The following ELP2 variants were observed in gnomAD, a reference collection of about 807,000 sequenced individuals.
The protein encoded by ELP2 is elongator acetyltransferase complex subunit 2, also known as elongator complex protein 2.
Under a neutral mutation model 119.2 loss-of-function variants are expected in ELP2, and 90 were observed. The ratio of observed to expected loss-of-function variants is 0.75; its 90% confidence interval spans 0.64 to 0.90. The LOEUF (loss-of-function observed/expected upper bound fraction) is 0.90. ELP2 is among the 40% of genes least tolerant of loss of function. ELP2 has a pLI of 0.00. For synonymous variants in ELP2, 339 were observed against 331.0 expected, an observed-to-expected ratio of 1.02 and a Z score of -0.26; for missense variants, 921 against 967.8, an observed-to-expected ratio of 0.95 and a Z score of 0.64.
intron 11 of ELP2, among the ~76,000 whole-genome samples, chr18:36,147,658 G>T (rs2090251521): frequency 6.9e-6 from 1 of 145,144 alleles, no homozygotes; most frequent in Non-Finnish European, 1.5e-5. Flanking sequence ...AGGTGATTCT[G>T]CCCCTCCCCC....
intron 1 of ELP2, among the ~76,000 whole-genome samples, chr18:36,131,458 A>AC (rs2089623929): frequency 1.3e-5 from 2 of 152,226 alleles, no homozygotes; most frequent in African/African-American, 4.8e-5. Flanking sequence ...GCATTGCGGC[A>AC]CCGTTCCGCC....
chr18:36,139,537 G>A, intron 5 of ELP2: 1 of 1,535,710 alleles, frequency 6.5e-7, no homozygotes, highest in Non-Finnish European at 8.7e-7. Flanking sequence ...TTCTGTGCAA[G>A]GCTCTGTGGA....
At chr18:36,132,910 G>C (rs187932072) in intron 1 of ELP2, among the ~76,000 whole-genome samples, 1 of 152,154 alleles carries the variant, frequency 6.6e-6, no homozygotes, top group African/African-American at 2.4e-5. Flanking sequence ...GTCTAGTTTG[G>C]TGTGTCAGGA....
chr18:36,170,952 C>T (rs754125576), intron 20 of ELP2, 95 bp from the exon 21 acceptor site: 23 of 862,668 alleles, frequency 2.7e-5, no homozygotes, highest in Middle Eastern at 2.1e-4. Context: ...AAGGCAGGGA[C>T]AGTTGGGACA....
At chr18:36,158,313 T>C (rs898149742) in intron 13 of ELP2, among the ~76,000 whole-genome samples, 16 of 152,346 alleles carry the variant, frequency 1.1e-4, no homozygotes, top group Admixed American at 5.9e-4. Flanking sequence ...AAGCAGATAT[T>C]GCCTTTTCAA....
chr18:36,131,098 C>T (rs75543600), intron 1 of ELP2, among the ~76,000 whole-genome samples: 10,440 of 152,218 alleles, frequency 0.069, 440 homozygotes, highest in Non-Finnish European at 0.094. Context: ...CGCTTGAGCT[C>T]AGAAGTTTGA....
chr18:36,159,872 A>T, intron 15 of ELP2, 42 bp downstream of exon 15: 1 of 1,605,108 alleles, frequency 6.2e-7, no homozygotes, highest in Non-Finnish European at 8.5e-7. Context: ...GCTAGAACAC[A>T]CAGTATGTTA....
chr18:36,148,040 G>A (rs1158961268), intron 11 of ELP2, among the ~76,000 whole-genome samples: 2 of 151,334 alleles, frequency 1.3e-5, no homozygotes, highest in Non-Finnish European at 2.9e-5. Context: ...TTTTATGGCA[G>A]CTTCATGACG....
intron 11 of ELP2, among the ~76,000 whole-genome samples, chr18:36,152,253 C>A (rs2090428858): frequency 6.6e-6 from 1 of 151,072 alleles, no homozygotes; most frequent in Admixed American, 6.6e-5. Context: ...CCATTTTATT[C>A]TTTGTTTCTT....
At position 36,174,727 on chromosome 18, in the gene ELP2, T is replaced by C; in HGVS notation, c.*86T>C. 7.1e-7 allele frequency: 1 copy of C among 1,401,434 alleles called. No homozygotes were observed. Among genetic ancestry groups the C allele is most frequent in the Non-Finnish European group, 9.8e-7 (1 of 1,016,748 alleles). The allele number at this position is 1,401,434 out of a possible 1,614,324, so 86.8% of individuals were successfully genotyped here. A position where few individuals can be genotyped will look rare whatever the true frequency, so the allele number is the denominator to read the frequency against. The stretch of plus-strand genomic sequence containing the variant: ...GTCATCTTTACCTTCATAACTGAAT[T>C]GAGTTTCTGGGTTTTTTTTTTTTTT... On this transcript the variant is annotated 3_prime_UTR_variant, in exon 22 of 22. Coordinates refer to ENST00000358232, the MANE Select transcript of ELP2 (RefSeq NM_018255.4).
At chr18:36,167,419 T>C (rs1221577578) in intron 19 of ELP2, among the ~76,000 whole-genome samples, 197 bp downstream of exon 19, 2 of 152,140 alleles carry the variant, frequency 1.3e-5, no homozygotes, top group East Asian at 3.8e-4. Flanking sequence ...TTCTCTGAAA[T>C]GTCAAAAATA....
chr18:36,162,422 G>A (rs943005184), intron 17 of ELP2, among the ~76,000 whole-genome samples: 1 of 152,106 alleles, frequency 6.6e-6, no homozygotes. Flanking sequence ...ATGCTGAGTA[G>A]TTTTACTTTG....
intron 16 of ELP2, among the ~76,000 whole-genome samples, chr18:36,160,262 AAT>A (rs1298276800): frequency 6.6e-6 from 1 of 151,996 alleles, no homozygotes; most frequent in Admixed American, 6.6e-5. Context: ...GAAGCATAAC[AAT>A]ATATATTTTT....
At chr18:36,164,189 T>A (rs1320748360) in intron 17 of ELP2, among the ~76,000 whole-genome samples, 3 of 152,004 alleles carry the variant, frequency 2.0e-5, no homozygotes, top group African/African-American at 7.3e-5. Flanking sequence ...ACAGTTTTGA[T>A]CATGGAATAA....
In ELP2 at chr18:36,154,860, C is replaced by T. The variant is rs1465344041; in HGVS notation, c.1136C>T (p.Thr379Ile). The change falls in exon 12 of 22, where the codon ACT becomes ATT. Residue 379 changes from threonine (T) to isoleucine (I), a missense_variant. Physicochemically the swap from Thr to Ile is moderately conservative, Grantham distance 89. Transcript: ENST00000358232. Reference sequence around the variant, plus strand: ...GCACTTCCATTGCAGAGAGAGTGGACTCCAGAGATTGTCATTTCAGGACAC... The same window carrying T: ...GCACTTCCATTGCAGAGAGAGTGGATTCCAGAGATTGTCATTTCAGGACAC... ...KQNTVNPREWTPEIVISGHFD... is the reference protein window; with the variant it reads ...KQNTVNPREWIPEIVISGHFD... The T allele has an allele frequency of 1.2e-6, 2 of 1,613,960 alleles. No individual in the cohort carries two copies. Among genetic ancestry groups the T allele is most frequent in the Non-Finnish European group, 1.7e-6 (2 of 1,180,018 alleles).
At chr18:36,168,429 A>G (rs550026192) in intron 19 of ELP2, among the ~76,000 whole-genome samples, 1 of 152,326 alleles carries the variant, frequency 6.6e-6, no homozygotes, top group South Asian at 2.1e-4. Context: ...AAGAGGTTTA[A>G]TTGACTCACA....
At chr18:36,137,368 G>A (rs146337126) in intron 3 of ELP2, 1 of 152,134 alleles carries the variant, frequency 6.6e-6, no homozygotes, top group Non-Finnish European at 1.5e-5. Flanking sequence ...GAAGTCAAAG[G>A]CTAATGATTC....
At chr18:36,171,247 G>C in intron 21 of ELP2, 87 bp downstream of exon 21, 1 of 853,508 alleles carries the variant, frequency 1.2e-6, no homozygotes. Context: ...TTTTCATGGA[G>C]AGGGACATAT....
In ELP2 at chr18:36,164,872, C is replaced by G. The variant is rs2090847858; in HGVS notation, c.1954+205C>G. ...GGAGATGATCTTTATTTGGGTTGAC[C>G]TACTTGTGATTATGTAGTCAAGATG... On this transcript the variant is annotated intron_variant, in intron 18 of 21. Transcript: ENST00000358232. 10 of 590,462 alleles carry G rather than the reference C, an allele frequency of 1.7e-5. No homozygotes were observed. In the South Asian group the frequency reaches 2.0e-4, roughly 12 times the overall value. 36.6% of individuals were successfully genotyped at this position (590,462 alleles called of 1,614,324 possible).
Sources: gnomAD v4.1 joint callset for allele counts (sites outside exome capture counted in the v4.1 genomes callset) on GRCh38, gnomAD v4.1.1 for gene constraint, MANE v1.5 for transcripts, NCBI Gene and HGNC (gene_info 2026-07-23, HGNC 2026-07-21) for gene names.